Variants in RGL3 observed in about 807,000 individuals in gnomAD.
RGL3 encodes ral guanine nucleotide dissociation stimulator-like 3.
In RGL3, 85 loss-of-function variants were observed where a neutral mutation model predicts 90.6. That is an observed-to-expected ratio of 0.94 (90% CI 0.79 to 1.12). The LOEUF (loss-of-function observed/expected upper bound fraction) is 1.12, where lower values mean the gene tolerates loss of function less well. Ranked by LOEUF, RGL3 falls within the 50% of genes most tolerant of loss-of-function variation. The pLI, the probability that RGL3 is intolerant of heterozygous loss-of-function variation, is 0.00. For missense variants in RGL3, 1,034 were observed against 939.2 expected, an observed-to-expected ratio of 1.10 and a Z score of -1.32; for synonymous variants, 408 against 385.5, an observed-to-expected ratio of 1.06 and a Z score of -0.68.
intron 1 of RGL3, 133 bp downstream of exon 1, chr19:11,419,113 C>T: frequency 1.0e-6 from 1 of 958,726 alleles, no homozygotes; most frequent in Non-Finnish European, 1.5e-6. Flanking sequence ...GGTCAAGGGC[C>T]GCGAGTCCCC....
intron 11 of RGL3, 57 bp downstream of exon 11, chr19:11,402,398 C>T: frequency 6.4e-7 from 1 of 1,569,960 alleles, no homozygotes; most frequent in Non-Finnish European, 8.7e-7. Context: ...ATTGGGAGGC[C>T]CATTGTGCTG....
At chr19:11,407,498 G>C (rs772494672) in intron 5 of RGL3, among the ~76,000 whole-genome samples, 1 of 151,978 alleles carries the variant, frequency 6.6e-6, no homozygotes, top group Admixed American at 6.6e-5. Flanking sequence ...GTACTCAAAG[G>C]CCAGAGAAGA....
chr19:11,410,601 G>C (rs1038821878), intron 5 of RGL3, among the ~76,000 whole-genome samples: 4 of 151,850 alleles, frequency 2.6e-5, no homozygotes, highest in Non-Finnish European at 4.4e-5. Context: ...AGGATCTCTT[G>C]AGCCCAGGAG....
chr19:11,412,746 C>T (rs373152371), intron 5 of RGL3, among the ~76,000 whole-genome samples: 1 of 152,014 alleles, frequency 6.6e-6, no homozygotes, highest in Non-Finnish European at 1.5e-5. Context: ...GCAAGCGGAT[C>T]ACGAGATCAG....
At position 11,406,642 on chromosome 19, in the gene RGL3, A is replaced by G. The variant is rs1195822788; in HGVS notation, c.781-8T>C. ...CACCTTGGAGAAGAGCTCCTGGGCC[A>G]GGGGAGGGGTGTGGGATTGGTGCTT... On this transcript the variant is annotated splice_polypyrimidine_tract_variant and splice_region_variant and intron_variant, in intron 6 of 18. Transcript: ENST00000380456. 40 of 1,573,156 alleles carry G rather than the reference A, an allele frequency of 2.5e-5. No individual in the cohort carries two copies. The highest frequency in any genetic ancestry group is 3.5e-5 in the Non-Finnish European group (40 of 1,158,910).
intron 5 of RGL3, among the ~76,000 whole-genome samples, chr19:11,409,769 C>T (rs1968842741): frequency 6.6e-6 from 1 of 152,072 alleles, no homozygotes; most frequent in Non-Finnish European, 1.5e-5. Context: ...ACAACAGCAC[C>T]GTGACACTCT....
intron 1 of RGL3, among the ~76,000 whole-genome samples, 153 bp downstream of exon 1, chr19:11,419,093 C>A (rs536888484): frequency 6.6e-6 from 1 of 152,320 alleles, no homozygotes; most frequent in Admixed American, 6.5e-5. Flanking sequence ...AGGAACCAGT[C>A]GCTTCACTGG....
At chr19:11,401,426 C>T (rs1020865608) in intron 13 of RGL3, among the ~76,000 whole-genome samples, 7 of 148,954 alleles carry the variant, frequency 4.7e-5, no homozygotes, top group South Asian at 2.1e-4. Flanking sequence ...GACGGAGTCT[C>T]GCTCTGTTGC....
At chr19:11,407,488 G>A (rs1231230318) in intron 5 of RGL3, among the ~76,000 whole-genome samples, 1 of 151,958 alleles carries the variant, frequency 6.6e-6, no homozygotes, top group African/African-American at 2.4e-5. Flanking sequence ...TTGAAGCCGG[G>A]TACTCAAAGG....
Position 11,397,424 on chromosome 19 carries a change from A to AC in RGL3, c.1899+20dup, listed in dbSNP as rs1313934010. 4.4e-6 allele frequency: 7 copies of AC among 1,591,706 alleles called. No individual in the cohort carries two copies. The Admixed American group carries it at 1.2e-4, about 27-fold the overall frequency. On this transcript the variant is annotated intron_variant, in intron 17 of 18. Transcript: ENST00000380456. ...CCAAGGGCAGGGCAGCCTCCAGCAG[A>AC]CCCCCAGCCCAGCCCCTCACCAAGA...
chr19:11,409,615 G>A (rs1176517114), intron 5 of RGL3, among the ~76,000 whole-genome samples: 1 of 152,200 alleles, frequency 6.6e-6, no homozygotes, highest in Non-Finnish European at 1.5e-5. Flanking sequence ...AGAATGCAAG[G>A]ACCACGAAAG....
In RGL3 at chr19:11,406,794, G is replaced by C. The variant is rs779796198; in HGVS notation, c.708C>G (p.Leu236=). The stretch of plus-strand genomic sequence containing the variant: ...CCAGGAGCTGGGGACCTTGAGGCAT[G>C]AGCCCTTCCTCTTCCTCCGCGCAGG... ...SEACAEEEEG[L]MPQGPQLLDF... Residue 236 remains leucine, a synonymous_variant, in exon 6 of 19, where the codon CTC becomes CTG. Coordinates refer to ENST00000380456, the MANE Select transcript of RGL3 (RefSeq NM_001035223.4). 6.2e-7 allele frequency: 1 copy of C among 1,614,036 alleles called. No homozygotes were observed. The highest frequency in any genetic ancestry group is 1.7e-5 in the Admixed American group (1 of 59,998).
At chr19:11,414,494 T>TATATATATATATACACCTTC (rs1968951356) in intron 5 of RGL3, among the ~76,000 whole-genome samples, 1 of 37,234 alleles carries the variant, frequency 2.7e-5, no homozygotes, top group African/African-American at 9.8e-5. Context: ...CACCTTCATA[T>TATATATATATATACACCTTC]ATATATATAT....
At chr19:11,394,914 A>G (rs1207215317) in intron 18 of RGL3, among the ~76,000 whole-genome samples, 1 of 151,620 alleles carries the variant, frequency 6.6e-6, no homozygotes, top group Non-Finnish European at 1.5e-5. Context: ...ACATGGTGAA[A>G]CCCCGTCTCT....
chr19:11,406,330 G>C, intron 7 of RGL3, 89 bp downstream of exon 7: 11 of 1,288,484 alleles, frequency 8.5e-6, no homozygotes, highest in Non-Finnish European at 1.2e-5. Flanking sequence ...CCCTCGCCTA[G>C]ACTCGCCCCT....
Position 11,406,471 on chromosome 19 carries a change from A to G in RGL3, c.944T>C (p.Leu315Ser), listed in dbSNP as rs1389722287. 9 of 1,552,742 alleles carry G rather than the reference A, an allele frequency of 5.8e-6. No homozygotes were observed. The highest frequency in any genetic ancestry group is 7.8e-6 in the Non-Finnish European group (9 of 1,151,986). The change falls in exon 7 of 19, where the codon TTG becomes TCG. Residue 315 changes from leucine to serine, a missense_variant. Coordinates refer to ENST00000380456, the MANE Select transcript of RGL3 (RefSeq NM_001035223.4). Reference protein sequence around the residue: ...VLGSVLGAPGLAAPQRAQRLE... With the variant: ...VLGSVLGAPGSAAPQRAQRLE... ...CCGCTGCGCCCTCTGCGGGGCGGCC[A>G]AGCCCGGTGCTCCGAGCACGGAACC...
rs143719316 is a variant in RGL3 at position 11,406,515 on chromosome 19, G to A, written c.900C>T (p.Thr300=). 3.9e-4 allele frequency: 603 copies of A among 1,553,658 alleles called. 1 individual carries two copies. In the African/African-American group the frequency reaches 6.9e-3, roughly 18 times the overall value. The part of the protein sequence containing the change: ...TVRATVAQFN[T]VTGCVLGSVL... The stretch of plus-strand genomic sequence containing the variant: ...CGGAACCCAGCACACAGCCGGTCAC[G>A]GTGTTGAACTGGGCCACGGTGGCGC... Residue 300 remains threonine, a synonymous_variant, in exon 7 of 19, where the codon ACC becomes ACT. Transcript: ENST00000380456.
Position 11,397,570 on chromosome 19 carries a change from G to A in RGL3, c.1774C>T (p.Pro592Ser), listed in dbSNP as rs1452671341. The A allele has an allele frequency of 6.3e-7, 1 of 1,584,242 alleles. No homozygotes were observed. The highest frequency in any genetic ancestry group is 2.3e-5 in the East Asian group (1 of 43,610). ...KLPLSLDLPS[P>S]RPFALPLGSP... ...CCCAGAGGCAAAGCGAAGGGCCGGG[G>A]GCTGGGCAGGTCCAGGCTCAGGGGC... is the stretch of plus-strand genomic sequence containing the variant. Residue 592 changes from proline to serine, a missense_variant, in exon 17 of 19, where the codon CCC becomes TCC. Coordinates refer to ENST00000380456, the MANE Select transcript of RGL3 (RefSeq NM_001035223.4).
At chr19:11,402,925 T>C (rs961180539) in intron 9 of RGL3, among the ~76,000 whole-genome samples, 2 of 151,896 alleles carry the variant, frequency 1.3e-5, no homozygotes, top group South Asian at 2.1e-4. Flanking sequence ...CTGGCCAATA[T>C]GGTGAAACCC....
Sources: allele counts gnomAD v4.1 joint callset (sites outside exome capture counted in the v4.1 genomes callset), GRCh38; gene constraint gnomAD v4.1.1; transcripts MANE v1.5; gene names NCBI Gene and HGNC (gene_info 2026-07-23, HGNC 2026-07-21).